The following MED13L variants were observed in gnomAD, a reference collection of about 807,000 sequenced individuals.
MED13L encodes the protein mediator complex subunit 13L, also known as mediator of RNA polymerase II transcription subunit 13-like.
MED13L carries 7 observed loss-of-function variants against 220.9 expected under a neutral mutation model. That is an observed-to-expected ratio of 0.03 (90% CI 0.02 to 0.06). MED13L has a LOEUF of 0.06. Ranked by LOEUF, MED13L falls within the 10% of genes least tolerant of loss-of-function variation. MED13L has a pLI of 1.00. For synonymous variants in MED13L, 1,011 were observed against 1,015.2 expected, an observed-to-expected ratio of 1.00 and a Z score of 0.08; for missense variants, 1,965 against 2,760.5, an observed-to-expected ratio of 0.71 and a Z score of 6.46.
intron 17 of MED13L, among the ~76,000 whole-genome samples, chr12:115,988,586 T>C (rs899584180): frequency 3.9e-5 from 6 of 152,198 alleles, no homozygotes; most frequent in African/African-American, 1.2e-4. Flanking sequence ...AACCACAGAT[T>C]TGAGGAAACT....
chr12:116,165,120 G>A (rs929992474), intron 2 of MED13L, among the ~76,000 whole-genome samples: 1 of 152,096 alleles, frequency 6.6e-6, no homozygotes, highest in South Asian at 2.1e-4. Flanking sequence ...CACTAGTGCT[G>A]CAGTAAAACT....
chr12:116,266,435 C>T (rs1872834428), intron 1 of MED13L, among the ~76,000 whole-genome samples: 1 of 152,200 alleles, frequency 6.6e-6, no homozygotes, highest in Non-Finnish European at 1.5e-5. Flanking sequence ...TGCTGCTCTT[C>T]CCACAGGGAG....
intron 4 of MED13L, among the ~76,000 whole-genome samples, chr12:116,079,785 C>T (rs1871099672): frequency 6.6e-6 from 1 of 152,104 alleles, no homozygotes; most frequent in Admixed American, 6.5e-5. Flanking sequence ...GATTCACCAG[C>T]CTCAGCCTTC....
At chr12:116,266,279 G>A (rs1319755476) in intron 1 of MED13L, among the ~76,000 whole-genome samples, 1 of 152,166 alleles carries the variant, frequency 6.6e-6, no homozygotes, top group Admixed American at 6.5e-5. Flanking sequence ...GAGTGAAGGA[G>A]GAGAGGAAAG....
intron 2 of MED13L, among the ~76,000 whole-genome samples, chr12:116,181,798 C>T (rs774390218): frequency 9.2e-5 from 14 of 152,158 alleles, no homozygotes; most frequent in Non-Finnish European, 1.6e-4. Context: ...AGCCACCACG[C>T]CCTGTCATGA....
Position 116,008,464 on chromosome 12 carries a change from T to C in MED13L, c.1949A>G (p.Glu650Gly), listed in dbSNP as rs1879191403. The stretch of plus-strand genomic sequence containing the variant: ...GGCATCACATCTCTCACCCTGGAGC[T>C]CTGGAGGCCTGAACTCAGCATCATC... Reference protein sequence around the residue: ...PSDDAEFRPPELQGERCDAKM... With the variant: ...PSDDAEFRPPGLQGERCDAKM... Residue 650 changes from glutamate to glycine, a missense_variant, in exon 10 of 31, where the codon GAG becomes GGG. Glu to Gly is a moderately conservative substitution (Grantham distance 98). Around this residue, in one of 10 missense-constraint regions of MED13L, gnomAD observed 818 missense variants for 1,041.2 expected, o/e 0.79. Coordinates refer to ENST00000281928, the MANE Select transcript of MED13L (RefSeq NM_015335.5). 1 of 1,613,354 alleles carries C rather than the reference T, an allele frequency of 6.2e-7. No homozygotes were observed. The highest frequency in any genetic ancestry group is 1.3e-5 in the African/African-American group (1 of 75,022).
chr12:115,999,851 C>T (rs1878634711), intron 14 of MED13L, among the ~76,000 whole-genome samples: 1 of 152,108 alleles, frequency 6.6e-6, no homozygotes, highest in South Asian at 2.1e-4. Context: ...CAAAGGTAAA[C>T]AGAGAACACA....
chr12:116,260,746 G>C (rs1343819172), intron 1 of MED13L, among the ~76,000 whole-genome samples: 2 of 152,092 alleles, frequency 1.3e-5, no homozygotes, highest in Non-Finnish European at 2.9e-5. Context: ...TTCCACAAAG[G>C]CATGAAGGAA....
intron 2 of MED13L, among the ~76,000 whole-genome samples, chr12:116,201,389 AAAAAG>A (rs1881996538): frequency 1.3e-5 from 2 of 152,316 alleles, no homozygotes; most frequent in South Asian, 4.1e-4. Context: ...TCCTTAACTA[AAAAAG>A]AAATTACAAG....
At chr12:116,253,903 G>A (rs1433933044) in intron 1 of MED13L, among the ~76,000 whole-genome samples, 3 of 151,664 alleles carry the variant, frequency 2.0e-5, no homozygotes, top group African/African-American at 7.3e-5. Context: ...GAGATTACAG[G>A]CGTGTGCCAC....
intron 3 of MED13L, among the ~76,000 whole-genome samples, chr12:116,098,849 C>T (rs1397393593): frequency 6.6e-6 from 1 of 152,074 alleles, no homozygotes. Context: ...CACACCCACC[C>T]AAGGAGGAAG....
chr12:116,017,243 C>CA (rs1237159999), intron 7 of MED13L, among the ~76,000 whole-genome samples: 6 of 151,876 alleles, frequency 4.0e-5, no homozygotes, highest in Admixed American at 1.3e-4. Flanking sequence ...AATCCCCCAT[C>CA]AAAAAAAACC....
At chr12:116,004,283 A>G (rs1326141585) in intron 13 of MED13L, among the ~76,000 whole-genome samples, 1 of 152,134 alleles carries the variant, frequency 6.6e-6, no homozygotes, top group Admixed American at 6.5e-5. Flanking sequence ...AAACCCAGGC[A>G]GCACTTGGCC....
At chr12:116,026,800 A>G (rs568317025) in intron 4 of MED13L, among the ~76,000 whole-genome samples, 2 of 152,322 alleles carry the variant, frequency 1.3e-5, no homozygotes, top group South Asian at 4.1e-4. Context: ...CCCATATATA[A>G]AACTATGGTA....
chr12:116,096,422 T>C lies in MED13L; in HGVS notation c.479+247A>G, dbSNP rs1229529319. Among the ~76,000 whole-genome samples the C allele has an allele frequency of 7.8e-5, 10 of 127,850 alleles. No homozygotes were observed. In the Admixed American group the frequency reaches 8.2e-4, roughly 10 times the overall value. The allele number at this position is 127,850 out of a possible 152,430, so 83.9% of individuals were successfully genotyped here. A position where few individuals can be genotyped will look rare whatever the true frequency, so the allele number is the denominator to read the frequency against. On this transcript the variant is annotated intron_variant, in intron 4 of 30. Transcript: ENST00000281928. ...GGAAAATGGAAAATAACAAAACAGA[T>C]TATCTTAATTCCAAATAGTATAGTA...
chr12:116,273,597 A>G (rs1037319255), intron 1 of MED13L, among the ~76,000 whole-genome samples: 1 of 152,196 alleles, frequency 6.6e-6, no homozygotes, highest in Non-Finnish European at 1.5e-5. Flanking sequence ...TTACCTTAAA[A>G]GCTTCAAATA....
intron 4 of MED13L, among the ~76,000 whole-genome samples, chr12:116,068,166 C>T (rs546228892): frequency 6.6e-6 from 1 of 152,250 alleles, no homozygotes; most frequent in South Asian, 2.1e-4. Context: ...TACAGGGGTT[C>T]TTCGTGAATC....
intron 2 of MED13L, among the ~76,000 whole-genome samples, chr12:116,235,319 T>C (rs1869978779): frequency 6.6e-6 from 1 of 152,190 alleles, no homozygotes; most frequent in Non-Finnish European, 1.5e-5. Flanking sequence ...ACTGTAATAC[T>C]TTCCTGATAG....
At chr12:116,105,804 T>A (rs780866843) in intron 3 of MED13L, among the ~76,000 whole-genome samples, 5 of 152,204 alleles carry the variant, frequency 3.3e-5, no homozygotes, top group Admixed American at 1.3e-4. Context: ...TCCCTTCCTG[T>A]CCCACTGATA....
Sources: gnomAD v4.1 joint callset for allele counts (sites outside exome capture counted in the v4.1 genomes callset) on GRCh38, gnomAD v4.1.1 for gene constraint, gnomAD v4.1.1 regional missense constraint, MANE v1.5 for transcripts, NCBI Gene and HGNC (gene_info 2026-07-23, HGNC 2026-07-21) for gene names.